The following FER1L6 variants were observed in gnomAD, a reference collection of about 807,000 sequenced individuals.
The protein encoded by FER1L6 is fer-1 like family member 6.
FER1L6 carries 177 observed loss-of-function variants against 219.2 expected under a neutral mutation model. The ratio of observed to expected loss-of-function variants is 0.81; its 90% CI spans 0.71 to 0.91. FER1L6 has a LOEUF of 0.91. Ranked by LOEUF, FER1L6 falls within the 40% of genes least tolerant of loss-of-function variation. The pLI is 0.00. For missense variants in FER1L6, 2,153 were observed against 2,259.9 expected, an observed-to-expected ratio of 0.95 and a Z score of 0.96; for synonymous variants, 768 against 824.3, an observed-to-expected ratio of 0.93 and a Z score of 1.17.
intron 1 of FER1L6, among the ~76,000 whole-genome samples, chr8:123,879,515 C>T (rs928839820): frequency 3.9e-5 from 6 of 151,954 alleles, no homozygotes; most frequent in African/African-American, 1.2e-4. Context: ...TTAGTCGAGA[C>T]GGGGTTTCAC....
At chr8:124,082,939 ACT>A (rs1821622914) in intron 33 of FER1L6, among the ~76,000 whole-genome samples, 1 of 150,444 alleles carries the variant, frequency 6.6e-6, no homozygotes. Context: ...CCCAACTTTC[ACT>A]CTTTTTTCAA....
intron 37 of FER1L6, among the ~76,000 whole-genome samples, chr8:124,098,660 C>G (rs1822411381): frequency 6.6e-6 from 1 of 152,094 alleles, no homozygotes; most frequent in Non-Finnish European, 1.5e-5. Context: ...GACTTAAGAG[C>G]CTCTGAAATT....
chr8:123,868,690 C>T (rs1348920255), intron 1 of FER1L6, among the ~76,000 whole-genome samples: 1 of 152,128 alleles, frequency 6.6e-6, no homozygotes, highest in Admixed American at 6.6e-5. Context: ...TAAAAGGCTG[C>T]TGACTTGAAC....
chr8:124,103,544 A>AT (rs562672145), intron 39 of FER1L6, among the ~76,000 whole-genome samples: 4 of 152,054 alleles, frequency 2.6e-5, no homozygotes, highest in African/African-American at 7.2e-5. Context: ...CCTGGCATTA[A>AT]TTTTTTTTCA....
At chr8:124,085,694 T>C (rs1821753015) in intron 33 of FER1L6, among the ~76,000 whole-genome samples, 1 of 152,234 alleles carries the variant, frequency 6.6e-6, no homozygotes, top group Non-Finnish European at 1.5e-5. Context: ...ATGTGTATTC[T>C]GCAGCTGTTG....
chr8:124,020,527 C>A (rs1049977226), intron 16 of FER1L6, among the ~76,000 whole-genome samples: 12 of 152,102 alleles, frequency 7.9e-5, no homozygotes, highest in African/African-American at 2.9e-4. Context: ...ACAAATGAAT[C>A]AAAATAAACA....
chr8:123,879,567 C>T (rs1363254782), intron 1 of FER1L6, among the ~76,000 whole-genome samples: 2 of 152,070 alleles, frequency 1.3e-5, no homozygotes, highest in Non-Finnish European at 1.5e-5. Context: ...CCTCGTGATC[C>T]GCCCTTCTTG....
chr8:123,898,512 G>A (rs970123317), intron 1 of FER1L6, among the ~76,000 whole-genome samples: 7 of 151,442 alleles, frequency 4.6e-5, no homozygotes, highest in Admixed American at 4.6e-4. Flanking sequence ...GCTCCCTCAT[G>A]TCAGTGAGAA....
At chr8:124,077,925 C>G (rs2130897296) in intron 32 of FER1L6, among the ~76,000 whole-genome samples, 1 of 152,340 alleles carries the variant, frequency 6.6e-6, no homozygotes, top group South Asian at 2.1e-4. Context: ...CTCATAACTT[C>G]AGTGCCTCAG....
Position 124,082,445 on chromosome 8 carries a change from A to G in FER1L6, c.4378A>G (p.Ser1460Gly). ...ACACCGAGCCATCTGTGGCTTGCAG[A>G]GCCAGTATGAGATGTAAGTTCTTTC... is the stretch of plus-strand genomic sequence containing the variant. ...SKHRAICGLQ[S>G]QYEIEGYNAW... Residue 1460 changes from serine (S) to glycine (G), a missense_variant, in exon 33 of 41, where the codon AGC becomes GGC. Ser to Gly is a moderately conservative substitution (Grantham distance 56). Transcript: ENST00000522917. 1 of 1,613,742 alleles carries G rather than the reference A, an allele frequency of 6.2e-7. No individual in the cohort carries two copies. The highest frequency in any genetic ancestry group is 8.5e-7 in the Non-Finnish European group (1 of 1,179,818).
chr8:124,072,132 C>T (rs368988377), intron 31 of FER1L6, among the ~76,000 whole-genome samples: 161 of 152,198 alleles, frequency 1.1e-3, no homozygotes, highest in African/African-American at 3.7e-3. Context: ...TGGTTGCCTA[C>T]GGCAGGAGAG....
At chr8:123,876,736 C>T (rs545671115) in intron 1 of FER1L6, among the ~76,000 whole-genome samples, 2 of 152,206 alleles carry the variant, frequency 1.3e-5, no homozygotes, top group South Asian at 4.2e-4. Flanking sequence ...TTCCATAGTG[C>T]TTATGGGGCT....
At chr8:123,938,646 A>G (rs879746240) in intron 1 of FER1L6, among the ~76,000 whole-genome samples, 2 of 143,868 alleles carry the variant, frequency 1.4e-5, no homozygotes. Flanking sequence ...TCCCGGGTTT[A>G]TGCAATTCTT....
At chr8:123,859,982 TTA>T (rs200234771) in intron 1 of FER1L6, among the ~76,000 whole-genome samples, 40,920 of 142,278 alleles carry the variant, frequency 0.29, 6,808 homozygotes, top group Middle Eastern at 0.4. Flanking sequence ...ATTATTATTA[TTA>T]TTTTTTTAAT....
At chr8:123,993,170 C>T (rs926645864) in intron 12 of FER1L6, among the ~76,000 whole-genome samples, 12 of 152,082 alleles carry the variant, frequency 7.9e-5, no homozygotes, top group Admixed American at 5.2e-4. Flanking sequence ...CGGCCGGGCG[C>T]GGTGGCTCAC....
At chr8:123,877,859 C>T (rs1817032690) in intron 1 of FER1L6, among the ~76,000 whole-genome samples, 1 of 151,608 alleles carries the variant, frequency 6.6e-6, no homozygotes, top group Non-Finnish European at 1.5e-5. Flanking sequence ...AAAGAATCAC[C>T]AGCCATGGTA....
Position 124,046,145 on chromosome 8 carries a change from G to A in FER1L6, c.2724+244G>A, listed in dbSNP as rs1819723411. The A allele has an allele frequency of 9.5e-6, 4 of 422,648 alleles. No homozygotes were observed. The South Asian group carries it at 1.5e-4, about 16-fold the overall frequency. The allele number at this position is 422,648 out of a possible 1,614,324, so 26.2% of individuals were successfully genotyped here. On this transcript the variant is annotated intron_variant, in intron 21 of 40. Coordinates refer to ENST00000522917, the MANE Select transcript of FER1L6 (RefSeq NM_001039112.2). ...TTAAATGGCAATTAAAATTGGATCT[G>A]GTTTACAGAACGTCAGTCTACACAC...
intron 13 of FER1L6, among the ~76,000 whole-genome samples, chr8:124,004,665 A>G (rs547459266): frequency 5.1e-4 from 77 of 152,112 alleles, no homozygotes; most frequent in Non-Finnish European, 9.1e-4. Flanking sequence ...CCTATCTCTC[A>G]GCCCACCATT....
chr8:124,112,236 C>T (rs1376129699), intron 39 of FER1L6, among the ~76,000 whole-genome samples: 3 of 152,170 alleles, frequency 2.0e-5, no homozygotes, highest in African/African-American at 7.2e-5. Context: ...TAGTTGCTGG[C>T]AGGCGAGAGA....
Sources: allele counts gnomAD v4.1 joint callset (sites outside exome capture counted in the v4.1 genomes callset), GRCh38; gene constraint gnomAD v4.1.1; transcripts MANE v1.5; gene names NCBI Gene and HGNC (gene_info 2026-07-23, HGNC 2026-07-21).